Variants in PATJ observed in about 807,000 individuals in gnomAD.
PATJ encodes the protein inaD-like protein.
PATJ carries 190 observed loss-of-function variants against 224.9 expected under a neutral mutation model. That is an observed-to-expected ratio of 0.84 (90% CI 0.75 to 0.95). The LOEUF is 0.95. Among genes scored for constraint, PATJ ranks in the 40% least tolerant of loss-of-function variants. The pLI, the probability that PATJ is intolerant of heterozygous loss-of-function variation, is 0.00. For synonymous variants in PATJ, 769 were observed against 820.3 expected (o/e 0.94, Z 1.07); for missense variants, 2,121 against 2,270.3 (o/e 0.93, Z 1.34).
chr1:61,744,946 T>C (rs1422524699), intron 1 of PATJ, among the ~76,000 whole-genome samples: 1 of 152,162 alleles, frequency 6.6e-6, no homozygotes, highest in Non-Finnish European at 1.5e-5. Context: ...TATTACTAGT[T>C]TATTATTAAG....
At chr1:61,883,028 T>C (rs892057406) in intron 21 of PATJ, among the ~76,000 whole-genome samples, 2 of 151,824 alleles carry the variant, frequency 1.3e-5, no homozygotes, top group African/African-American at 2.4e-5. Flanking sequence ...CCCACACACA[T>C]GTCTATATAT....
rs764646632 is a variant in PATJ, at chr1:61,990,167, G to GA, written c.3676dup (p.Ile1226AsnfsTer16). 3.1e-6 allele frequency: 5 copies of GA among 1,588,044 alleles called. No individual in the cohort carries two copies. Among genetic ancestry groups the GA allele is most frequent in the Non-Finnish European group, 4.3e-6 (5 of 1,171,278 alleles). The stretch of plus-strand genomic sequence containing the variant: ...TAATTTTAAAAAAATTCTTTTAATA[G>GA]AAAAAATCAGACAAAGATATGCAGA... On this transcript the variant is annotated frameshift_variant and splice_region_variant. Coordinates refer to ENST00000642238, the MANE Select transcript of PATJ (RefSeq NM_001350145.3). LOFTEE classifies it high-confidence loss of function.
intron 7 of PATJ, among the ~76,000 whole-genome samples, chr1:61,778,175 C>T (rs1288773497): frequency 1.3e-5 from 2 of 151,948 alleles, no homozygotes; most frequent in Admixed American, 1.3e-4. Context: ...CCATTGCACC[C>T]GCCTGGCCTT....
chr1:61,763,042 C>A lies in PATJ; in HGVS notation c.52C>A (p.Arg18Ser), dbSNP rs781393031. The A allele has an allele frequency of 1.2e-6, 2 of 1,610,566 alleles. No homozygotes were observed. The highest frequency in any genetic ancestry group is 8.5e-7 in the Non-Finnish European group (1 of 1,178,122). Residue 18 changes from arginine (R) to serine (S), a missense_variant, in exon 3 of 44, where the codon CGC (arginine) becomes AGC (serine). By Grantham distance (110) the Arg-to-Ser change is moderately radical (BLOSUM62 -1). Transcript: ENST00000642238. Reference sequence around the variant, plus strand: ...ACTGCAGGTGCTGCAGGTACTTGATCGCCTGAAAATGAAATTGCAGGAGAA... The same window carrying A: ...ACTGCAGGTGCTGCAGGTACTTGATAGCCTGAAAATGAAATTGCAGGAGAA... ...DKLQVLQVLD[R>S]LKMKLQEKGD...
chr1:62,147,884 A>T (rs973722070), intron 41 of PATJ, among the ~76,000 whole-genome samples: 5 of 151,398 alleles, frequency 3.3e-5, no homozygotes, highest in African/African-American at 1.2e-4. Context: ...AATCATTTGA[A>T]CCCGGGAGGC....
At chr1:61,970,270 GA>G (rs1259719629) in intron 27 of PATJ, among the ~76,000 whole-genome samples, 1 of 151,432 alleles carries the variant, frequency 6.6e-6, no homozygotes, top group African/African-American at 2.4e-5. Flanking sequence ...AAAATAAGCA[GA>G]AAGTAGAGTT....
Position 62,086,228 on chromosome 1 carries a change from ATG to A in PATJ, c.4377+1594_4377+1595del, listed in dbSNP as rs145837024. Among the ~76,000 whole-genome samples the A allele has an allele frequency of 0.16, 23,413 of 150,278 alleles. 2,081 individuals carry two copies. Among genetic ancestry groups the A allele is most frequent in the South Asian group, 0.32 (1,538 of 4,784 alleles). On this transcript the variant is annotated intron_variant, in intron 33 of 43. Transcript: ENST00000642238. This position sits in a 1 kb window ranked among gnomAD's most constrained non-coding sequence, Gnocchi z 4.0. ...TACTCAAGATGTGATTAATTAATGCATGTGTGTGTGTGTGTATGTGTGTGTGT... is the reference window on the plus strand; with the variant it reads ...TACTCAAGATGTGATTAATTAATGCATGTGTGTGTGTGTATGTGTGTGTGT...
intron 22 of PATJ, among the ~76,000 whole-genome samples, chr1:61,893,285 G>A (rs1225474702): frequency 6.6e-6 from 1 of 152,086 alleles, no homozygotes; most frequent in Non-Finnish European, 1.5e-5. Context: ...TCTTCCAACA[G>A]ACTAATCATT....
At chr1:61,766,946 A>T (rs1321635413) in intron 4 of PATJ, among the ~76,000 whole-genome samples, 1 of 152,152 alleles carries the variant, frequency 6.6e-6, no homozygotes, top group Non-Finnish European at 1.5e-5. Context: ...TAGAAAAATT[A>T]GCCGGGCGTG....
intron 27 of PATJ, among the ~76,000 whole-genome samples, chr1:61,985,490 T>C (rs1199619396): frequency 1.3e-5 from 2 of 152,136 alleles, no homozygotes; most frequent in East Asian, 3.8e-4. Context: ...TCTTTAATTG[T>C]ATTGTTCAGT....
chr1:61,862,233 G>A (rs1040804853), intron 19 of PATJ, among the ~76,000 whole-genome samples: 1 of 151,728 alleles, frequency 6.6e-6, no homozygotes, highest in African/African-American at 2.4e-5. Context: ...CTCTCACTCT[G>A]TCACCCAAGT....
rs142783319 is a variant in PATJ at position 61,977,764 on chromosome 1, C to T, written c.3671-12404C>T. Among the ~76,000 whole-genome samples, 824 of 151,556 alleles carry T rather than the reference C, an allele frequency of 5.4e-3. 14 individuals are homozygous for T. Among genetic ancestry groups the T allele is most frequent in the Middle Eastern group, 0.027 (8 of 294 alleles). On this transcript the variant is annotated intron_variant, in intron 27 of 43. Transcript: ENST00000642238. The stretch of plus-strand genomic sequence containing the variant: ...GCTGTGGTGAACACCTGTAGTCCCA[C>T]AGCTATGCAGGAGGCTGAGGCAGGA...
At chr1:62,110,454 C>T (rs779936711) in intron 34 of PATJ, among the ~76,000 whole-genome samples, 4 of 152,164 alleles carry the variant, frequency 2.6e-5, no homozygotes, top group Non-Finnish European at 4.4e-5. Context: ...GAGAGTCCTC[C>T]GCATTCCGCA....
chr1:61,828,611 CA>C (rs1658749806), intron 16 of PATJ, among the ~76,000 whole-genome samples: 1 of 152,004 alleles, frequency 6.6e-6, no homozygotes, highest in African/African-American at 2.4e-5. Flanking sequence ...AGGGTGGTCT[CA>C]AACTCCTGGA....
At chr1:61,958,614 A>G (rs1028741929) in intron 27 of PATJ, among the ~76,000 whole-genome samples, 1 of 152,118 alleles carries the variant, frequency 6.6e-6, no homozygotes, top group Non-Finnish European at 1.5e-5. Flanking sequence ...ATCCTCTTAG[A>G]AAAAGCCCAC....
intron 43 of PATJ, among the ~76,000 whole-genome samples, chr1:62,159,560 T>A (rs1237597391): frequency 1.3e-4 from 20 of 149,806 alleles, no homozygotes; most frequent in Non-Finnish European, 2.7e-4. Context: ...GAATACTTTT[T>A]TTTTTTTTTT....
Position 62,104,184 on chromosome 1 carries a change from T to A in PATJ, c.4378-4253T>A, listed in dbSNP as rs186036522. Among the ~76,000 whole-genome samples, 584 of 152,268 alleles carry A rather than the reference T, an allele frequency of 3.8e-3. 2 individuals carry two copies. Among genetic ancestry groups the A allele is most frequent in the African/African-American group, 0.014 (568 of 41,556 alleles). On this transcript the variant is annotated intron_variant, in intron 33 of 43. Transcript: ENST00000642238. ...ACTCAGAGCTGCAGTTTTGCTTGAA[T>A]AATTCAAGAGCATTAAAATTTAGGA... is the stretch of plus-strand genomic sequence containing the variant.
intron 38 of PATJ, 129 bp from the exon 39 acceptor site, chr1:62,122,892 A>C: frequency 2.0e-6 from 1 of 505,150 alleles, no homozygotes; most frequent in South Asian, 3.7e-5. Flanking sequence ...GGAAGGGTAC[A>C]ATACCTGCTT....
intron 41 of PATJ, 80 bp downstream of exon 41, chr1:62,129,025 A>G: frequency 1.2e-6 from 1 of 855,540 alleles, no homozygotes; most frequent in Admixed American, 1.8e-5. Flanking sequence ...CTGGCAGTAG[A>G]CATCGCCACC....
Sources: allele counts gnomAD v4.1 joint callset (sites outside exome capture counted in the v4.1 genomes callset), GRCh38; gene constraint gnomAD v4.1.1; non-coding constraint Gnocchi (gnomAD v3.1); transcripts MANE v1.5; gene names NCBI Gene and HGNC (gene_info 2026-07-23, HGNC 2026-07-21).